SUGCT: variants seen among roughly 807,000 people sequenced by gnomAD.
SUGCT encodes succinyl-CoA:glutarate CoA-transferase.
In SUGCT, 41 loss-of-function variants were observed where a neutral mutation model predicts 55.0. That is an observed-to-expected ratio of 0.74 (90% CI 0.58 to 0.97). SUGCT has a LOEUF of 0.97. SUGCT is among the 50% of genes least tolerant of loss of function. The pLI, the probability that SUGCT is intolerant of heterozygous loss-of-function variation, is 0.00. For missense variants in SUGCT, 568 were observed against 547.8 expected (o/e 1.04, Z -0.37); for synonymous variants, 187 against 200.4 (o/e 0.93, Z 0.56).
At chr7:40,937,657 T>C in the SUGCT span, among the ~76,000 whole-genome samples, 1 of 152,202 alleles carries the variant, frequency 6.6e-6, no homozygotes, top group East Asian at 1.9e-4. Flanking sequence ...TGCTATTTGT[T>C]TCTAGCAACA....
intron 11 of SUGCT, among the ~76,000 whole-genome samples, chr7:40,494,391 G>A (rs1791861099): frequency 6.6e-6 from 1 of 152,122 alleles, no homozygotes; most frequent in Non-Finnish European, 1.5e-5. Flanking sequence ...GGAGGCCTTG[G>A]CCAGGAGATG....
At chr7:40,941,782 T>C in the SUGCT span, among the ~76,000 whole-genome samples, 1 of 152,254 alleles carries the variant, frequency 6.6e-6, no homozygotes, top group South Asian at 2.1e-4. Context: ...AGGATTGTAA[T>C]ATCTTGTTGT....
At chr7:40,501,497 C>A (rs1792278816) in intron 12 of SUGCT, among the ~76,000 whole-genome samples, 1 of 152,014 alleles carries the variant, frequency 6.6e-6, no homozygotes, top group Admixed American at 6.6e-5. Flanking sequence ...ACATTATGGG[C>A]ATTTTATGTT....
At chr7:40,871,739 A>C in the SUGCT span, among the ~76,000 whole-genome samples, 92 of 140,692 alleles carry the variant, frequency 6.5e-4, no homozygotes, top group African/African-American at 2.4e-3. Context: ...ACTCTTTGTC[A>C]AACCTTGTCT....
chr7:40,274,741 G>A, intron 8 of SUGCT, 85 bp downstream of exon 8: 6 of 1,267,752 alleles, frequency 4.7e-6, no homozygotes, highest in East Asian at 2.4e-5. Context: ...ATGGTCACAT[G>A]TACAAAAACA....
At chr7:41,036,347 A>C in the SUGCT span, among the ~76,000 whole-genome samples, 1 of 152,226 alleles carries the variant, frequency 6.6e-6, no homozygotes, top group Non-Finnish European at 1.5e-5. Flanking sequence ...TTTCTACATC[A>C]GAAAAGCATA....
chr7:40,940,877 T>C, the SUGCT span, among the ~76,000 whole-genome samples: 1,096 of 152,270 alleles, frequency 7.2e-3, 15 homozygotes, highest in African/African-American at 0.024. Context: ...TTCCCTTGCC[T>C]GATTGCTCTA....
rs144789588 is a variant in SUGCT at position 40,458,283 on chromosome 7, C to T, written c.889-818C>T. 2.6e-5 allele frequency among the ~76,000 whole-genome samples: 4 copies of T among 152,342 alleles called. No homozygotes were observed. The East Asian group carries it at 7.7e-4, about 29-fold the overall frequency. ...CCTTGTGACTTTCCAATACAACTGC[C>T]AAGCACTGCCTCTACACAGTCTTTG... is the stretch of plus-strand genomic sequence containing the variant. On this transcript the variant is annotated intron_variant, in intron 10 of 13. Coordinates refer to ENST00000335693, the MANE Select transcript of SUGCT (RefSeq NM_001193313.2).
intron 12 of SUGCT, among the ~76,000 whole-genome samples, chr7:40,710,468 TG>T (rs1785653419): frequency 1.3e-5 from 2 of 152,246 alleles, no homozygotes; most frequent in South Asian, 4.2e-4. Flanking sequence ...AGGCTGTTAA[TG>T]TTTTACCCCA....
chr7:40,428,851 G>A (rs1467617774), intron 9 of SUGCT, among the ~76,000 whole-genome samples: 1 of 152,056 alleles, frequency 6.6e-6, no homozygotes, highest in Non-Finnish European at 1.5e-5. Context: ...GTTTCATATT[G>A]CTATCTAATG....
At chr7:40,978,764 A>G in the SUGCT span, among the ~76,000 whole-genome samples, 1 of 152,214 alleles carries the variant, frequency 6.6e-6, no homozygotes. Flanking sequence ...GACATGTTCC[A>G]GGAACCAAAG....
intron 9 of SUGCT, among the ~76,000 whole-genome samples, chr7:40,400,457 G>T (rs1786002570): frequency 6.6e-6 from 1 of 152,148 alleles, no homozygotes; most frequent in Non-Finnish European, 1.5e-5. Context: ...TTAATATAAT[G>T]ATTTCTTTCC....
Position 40,602,189 on chromosome 7 carries a change from A to G in SUGCT, c.1089+105803A>G, listed in dbSNP as rs551641394. Among the ~76,000 whole-genome samples, 508 of 152,316 alleles carry G rather than the reference A, an allele frequency of 3.3e-3. 2 individuals carry two copies. The highest frequency in any genetic ancestry group is 0.012 in the African/African-American group (481 of 41,564). The stretch of plus-strand genomic sequence containing the variant: ...CCCTCAAACCATGGTTATATACTTA[A>G]GCCATGGGAAAAACCAACCAACCAA... On this transcript the variant is annotated intron_variant, in intron 12 of 13. Transcript: ENST00000335693.
chr7:41,011,258 A>G, the SUGCT span, among the ~76,000 whole-genome samples: 12,728 of 152,220 alleles, frequency 0.084, 1,047 homozygotes, highest in African/African-American at 0.2. Context: ...GCAGGCACTC[A>G]GAAGAGGGGA....
At chr7:40,530,230 A>C (rs1295204118) in intron 12 of SUGCT, among the ~76,000 whole-genome samples, 2 of 150,944 alleles carry the variant, frequency 1.3e-5, no homozygotes, top group Non-Finnish European at 1.5e-5. Flanking sequence ...AATTCTAATT[A>C]TAACTTATAG....
At chr7:40,139,523 G>A (rs563412718) in intron 1 of SUGCT, among the ~76,000 whole-genome samples, 4 of 152,256 alleles carry the variant, frequency 2.6e-5, no homozygotes, top group Non-Finnish European at 5.9e-5. Flanking sequence ...TGATATGCTT[G>A]TTTGTCTTTT....
At chr7:40,916,814 G>A in the SUGCT span, among the ~76,000 whole-genome samples, 136 of 152,256 alleles carry the variant, frequency 8.9e-4, 2 homozygotes, top group Middle Eastern at 0.01. Context: ...TATACACACA[G>A]ATATTATACT....
chr7:40,966,150 A>G, the SUGCT span: 3 of 152,234 alleles, frequency 2.0e-5, no homozygotes, highest in South Asian at 6.2e-4. Context: ...ACCTAAAGCT[A>G]GTTTCAAAAC....
At chr7:40,164,326 C>T (rs1784322408) in intron 1 of SUGCT, among the ~76,000 whole-genome samples, 1 of 152,138 alleles carries the variant, frequency 6.6e-6, no homozygotes, top group Non-Finnish European at 1.5e-5. Flanking sequence ...GATGAGGTTT[C>T]ACCATATTGG....
Sources: gnomAD v4.1 joint callset for allele counts (sites outside exome capture counted in the v4.1 genomes callset) on GRCh38, gnomAD v4.1.1 for gene constraint, MANE v1.5 for transcripts, NCBI Gene and HGNC (gene_info 2026-07-23, HGNC 2026-07-21) for gene names.